Variants in OPCML observed in about 807,000 individuals in gnomAD.
OPCML encodes the protein opioid-binding protein/cell adhesion molecule.
Under a neutral mutation model 37.8 loss-of-function variants are expected in OPCML, and 13 were observed. The ratio of observed to expected loss-of-function variants is 0.34; its 90% CI spans 0.22 to 0.55. The LOEUF is 0.55. Ranked by LOEUF, OPCML falls within the 20% of genes least tolerant of loss-of-function variation. The pLI is 0.91. For missense variants in OPCML, 341 were observed against 435.6 expected, an observed-to-expected ratio of 0.78 and a Z score of 1.93; for synonymous variants, 176 against 168.8, an observed-to-expected ratio of 1.04 and a Z score of -0.33.
At chr11:133,384,647 G>T (rs1168401769) in intron 1 of OPCML, among the ~76,000 whole-genome samples, 1 of 152,200 alleles carries the variant, frequency 6.6e-6, no homozygotes, top group Non-Finnish European at 1.5e-5. Flanking sequence ...TGCCTTCTGT[G>T]CCTCATTCTA....
chr11:132,687,051 G>A (rs562341617), intron 2 of OPCML, among the ~76,000 whole-genome samples: 10 of 152,120 alleles, frequency 6.6e-5, no homozygotes, highest in African/African-American at 9.6e-5. Context: ...GGGTCATTTG[G>A]CAGAGACTAT....
chr11:133,276,080 TC>T (rs777175703), intron 1 of OPCML, among the ~76,000 whole-genome samples: 1 of 152,134 alleles, frequency 6.6e-6, no homozygotes, highest in Non-Finnish European at 1.5e-5. Flanking sequence ...AAAAATGACT[TC>T]CCAGAAATCA....
intron 1 of OPCML, among the ~76,000 whole-genome samples, chr11:133,104,960 A>C (rs953587141): frequency 1.3e-5 from 2 of 152,240 alleles, no homozygotes; most frequent in Non-Finnish European, 2.9e-5. Context: ...TTGAGATGTA[A>C]TATAAAGCAA....
chr11:132,674,618 G>T (rs936548849), intron 2 of OPCML, among the ~76,000 whole-genome samples: 1 of 152,172 alleles, frequency 6.6e-6, no homozygotes, highest in African/African-American at 2.4e-5. Flanking sequence ...GACTTTGAGG[G>T]TGGTGATAAT....
At chr11:132,492,566 G>A (rs562259754) in intron 4 of OPCML, among the ~76,000 whole-genome samples, 103 of 152,206 alleles carry the variant, frequency 6.8e-4, no homozygotes, top group African/African-American at 2.3e-3. Flanking sequence ...GGAAGAAACA[G>A]GTTGAGAAGG....
intron 2 of OPCML, among the ~76,000 whole-genome samples, chr11:132,931,471 CAAAG>C (rs1198090912): frequency 6.6e-6 from 1 of 151,928 alleles, no homozygotes; most frequent in Admixed American, 6.6e-5. Context: ...CGTTGAAAAA[CAAAG>C]AAACAATCCA....
chr11:133,287,789 G>A (rs1422129464), intron 1 of OPCML, among the ~76,000 whole-genome samples: 1 of 152,114 alleles, frequency 6.6e-6, no homozygotes, highest in Non-Finnish European at 1.5e-5. Flanking sequence ...CATTCAAAGA[G>A]CTGTCCAGGT....
intron 1 of OPCML, among the ~76,000 whole-genome samples, chr11:133,120,428 C>A (rs934623216): frequency 6.6e-6 from 1 of 152,188 alleles, no homozygotes; most frequent in Non-Finnish European, 1.5e-5. Context: ...TGGAAACATA[C>A]AAGAGCTAAG....
intron 2 of OPCML, among the ~76,000 whole-genome samples, chr11:132,680,870 T>C (rs1444859065): frequency 1.3e-5 from 2 of 152,156 alleles, no homozygotes; most frequent in African/African-American, 4.8e-5. Flanking sequence ...AGAAGACGCC[T>C]GTTGCCCTCA....
At chr11:132,479,741 G>A (rs1339458361) in intron 4 of OPCML, among the ~76,000 whole-genome samples, 2 of 152,134 alleles carry the variant, frequency 1.3e-5, no homozygotes, top group Admixed American at 1.3e-4. Flanking sequence ...AGCCTAACTG[G>A]GAGGCACCCC....
chr11:133,134,147 G>A (rs1425255688), intron 1 of OPCML, among the ~76,000 whole-genome samples: 2 of 151,886 alleles, frequency 1.3e-5, no homozygotes, highest in Admixed American at 6.6e-5. Flanking sequence ...CTTACCTGTG[G>A]GGCCAATAAA....
intron 1 of OPCML, among the ~76,000 whole-genome samples, chr11:133,321,964 G>T (rs148066539): frequency 1.3e-5 from 2 of 152,238 alleles, no homozygotes; most frequent in African/African-American, 2.4e-5. Flanking sequence ...AACAGCAGAA[G>T]TCTTCTGCTG....
rs367595327 is a variant in OPCML at position 133,374,492 on chromosome 11, G to A, written c.61+157772C>T. On this transcript the variant is annotated intron_variant, in intron 1 of 7. Coordinates refer to ENST00000524381, the MANE Select transcript of OPCML (RefSeq NM_001012393.5). ...GTGTGTCCATTATATCTCATATAAAGCTTGTTTAGAAATGGGAGGAAAATG... is the reference window on the plus strand; with the variant it reads ...GTGTGTCCATTATATCTCATATAAAACTTGTTTAGAAATGGGAGGAAAATG... Among the ~76,000 whole-genome samples, 63 of 152,276 alleles carry A rather than the reference G, an allele frequency of 4.1e-4. No individual in the cohort carries two copies. The South Asian group carries it at 6.8e-3, about 17-fold the overall frequency.
At chr11:132,761,203 T>A (rs935907089) in intron 2 of OPCML, among the ~76,000 whole-genome samples, 4 of 151,644 alleles carry the variant, frequency 2.6e-5, no homozygotes, top group Non-Finnish European at 4.4e-5. Context: ...GTGAGTAACC[T>A]GGCCTTTCTC....
At chr11:132,586,101 A>T (rs2096472007) in intron 3 of OPCML, among the ~76,000 whole-genome samples, 1 of 152,138 alleles carries the variant, frequency 6.6e-6, no homozygotes, top group Admixed American at 6.5e-5. Context: ...CATGGGGATC[A>T]TTTCAGTTCC....
intron 1 of OPCML, among the ~76,000 whole-genome samples, chr11:133,437,989 G>A (rs1207244684): frequency 6.6e-6 from 1 of 151,700 alleles, no homozygotes; most frequent in Non-Finnish European, 1.5e-5. Flanking sequence ...TATATATAAG[G>A]AAAATCCCAT....
chr11:133,400,027 C>G (rs919531190), intron 1 of OPCML, among the ~76,000 whole-genome samples: 1 of 152,148 alleles, frequency 6.6e-6, no homozygotes, highest in African/African-American at 2.4e-5. Flanking sequence ...CACCTGTCTT[C>G]CATAAGAACA....
chr11:132,619,099 C>T lies in OPCML; in HGVS notation c.379+37988G>A, dbSNP rs77344975. On this transcript the variant is annotated intron_variant, in intron 3 of 7. Transcript: ENST00000524381. ...TCTGGAGCTCTCACCATAGCTATCT[C>T]TTTAACCTGATCTAAAAACACCTCC... 5.4e-3 allele frequency among the ~76,000 whole-genome samples: 819 copies of T among 152,220 alleles called. 1 individual carries two copies. Among genetic ancestry groups the T allele is most frequent in the South Asian group, 0.013 (65 of 4,816 alleles).
chr11:132,921,508 C>G (rs1195852527), intron 2 of OPCML, among the ~76,000 whole-genome samples: 1 of 152,210 alleles, frequency 6.6e-6, no homozygotes, highest in Non-Finnish European at 1.5e-5. Context: ...AGCCCAACTG[C>G]AATTTCTCAC....
Sources: allele counts gnomAD v4.1 joint callset (sites outside exome capture counted in the v4.1 genomes callset), GRCh38; gene constraint gnomAD v4.1.1; transcripts MANE v1.5; gene names NCBI Gene and HGNC (gene_info 2026-07-23, HGNC 2026-07-21).